The following NAV2 variants were observed in gnomAD, a reference collection of about 807,000 sequenced individuals.
NAV2 encodes helicase, APC down-regulated 1.
In NAV2, 54 loss-of-function variants were observed where a neutral mutation model predicts 223.2. The ratio of observed to expected loss-of-function variants is 0.24; its 90% CI spans 0.19 to 0.30. The LOEUF (loss-of-function observed/expected upper bound fraction) is 0.30. NAV2 is among the 10% of genes least tolerant of loss of function. The pLI is 1.00. For synonymous variants in NAV2, 1,279 were observed against 1,239.3 expected (o/e 1.03, Z -0.67); for missense variants, 2,806 against 3,147.5 (o/e 0.89, Z 2.60).
At chr11:19,600,930 A>T (rs2046334106) in intron 1 of NAV2, among the ~76,000 whole-genome samples, 1 of 152,178 alleles carries the variant, frequency 6.6e-6, no homozygotes, top group African/African-American at 2.4e-5. Flanking sequence ...ATACCATGTG[A>T]CTTTGTAATC....
chr11:19,758,898 AGGAGGTC>A (rs1223909491), intron 1 of NAV2, among the ~76,000 whole-genome samples: 8 of 152,136 alleles, frequency 5.3e-5, no homozygotes, highest in Admixed American at 4.6e-4. Flanking sequence ...CACAACCCCC[AGGAGGTC>A]ATTGATCTTA....
At position 20,045,195 on chromosome 11, in the gene NAV2, A is replaced by G. The variant is rs1317271505; in HGVS notation, c.3427A>G (p.Thr1143Ala). 1.9e-6 allele frequency: 3 copies of G among 1,614,152 alleles called. No homozygotes were observed. The highest frequency in any genetic ancestry group is 2.2e-5 in the South Asian group (2 of 91,074). ...AMITASGVTV[T>A]SRSATLGKIP... ...GATCACAGCCAGCGGGGTGACTGTCACCAGCAGGTCAGCCACACTGGGCAA... is the reference window on the plus strand; with the variant it reads ...GATCACAGCCAGCGGGGTGACTGTCGCCAGCAGGTCAGCCACACTGGGCAA... The change falls in exon 14 of 38, where the codon ACC (threonine) becomes GCC (alanine). Residue 1143 changes from threonine (T) to alanine (A), a missense_variant. Thr to Ala is a moderately conservative substitution (Grantham distance 58). Coordinates refer to ENST00000349880, the MANE Select transcript of NAV2 (RefSeq NM_145117.5).
chr11:19,942,750 AAGGT>A (rs1362046223), intron 8 of NAV2, among the ~76,000 whole-genome samples: 1 of 152,204 alleles, frequency 6.6e-6, no homozygotes, highest in East Asian at 1.9e-4. Flanking sequence ...TTGGGAGGCC[AAGGT>A]GAGAGGATCG....
At chr11:19,483,490 A>G (rs576306185) in intron 1 of NAV2, among the ~76,000 whole-genome samples, 45 of 152,328 alleles carry the variant, frequency 3.0e-4, no homozygotes, top group African/African-American at 1.0e-3. Context: ...CGTTGTGCCA[A>G]AGAGAAGGCT....
intron 10 of NAV2, among the ~76,000 whole-genome samples, chr11:19,959,925 G>A (rs191807298): frequency 4.9e-4 from 75 of 152,280 alleles, no homozygotes; most frequent in Non-Finnish European, 1.0e-3. Flanking sequence ...CTGCCCTTCC[G>A]GGGCTCTTCA....
intron 1 of NAV2, among the ~76,000 whole-genome samples, chr11:19,757,402 G>A (rs7928217): frequency 0.25 from 38,561 of 151,970 alleles, 5,379 homozygotes; most frequent in Middle Eastern, 0.37. Context: ...TCAGATTCTG[G>A]GGCTGCAGGT....
At chr11:19,476,866 G>A (rs1249714643) in intron 1 of NAV2, among the ~76,000 whole-genome samples, 4 of 152,104 alleles carry the variant, frequency 2.6e-5, no homozygotes, top group African/African-American at 9.7e-5. Context: ...CTTAGCCCTG[G>A]GTCAGGGCAT....
rs188922442 is a variant in NAV2, at chr11:20,006,210, T to C, written c.2768+21963T>C. Among the ~76,000 whole-genome samples, 275 of 152,242 alleles carry C rather than the reference T, an allele frequency of 1.8e-3. 1 individual carries two copies. The highest frequency in any genetic ancestry group is 6.8e-3 in the Middle Eastern group (2 of 294). On this transcript the variant is annotated intron_variant, in intron 11 of 37. Coordinates refer to ENST00000349880, the MANE Select transcript of NAV2 (RefSeq NM_145117.5). The stretch of plus-strand genomic sequence containing the variant: ...ATGATTCAGGGTGTCCAGGTTCCCA[T>C]AGGGATCATTAGGGTTTGATTATAG...
At chr11:19,834,549 G>A (rs2060132700) in intron 2 of NAV2, among the ~76,000 whole-genome samples, 1 of 118,624 alleles carries the variant, frequency 8.4e-6, no homozygotes, top group South Asian at 2.3e-4. Flanking sequence ...TCAGAAGAAG[G>A]GGTACCTTTT....
intron 1 of NAV2, among the ~76,000 whole-genome samples, chr11:19,575,754 A>G (rs2045554340): frequency 6.6e-6 from 1 of 152,212 alleles, no homozygotes; most frequent in Non-Finnish European, 1.5e-5. Flanking sequence ...ATGGCCAGGG[A>G]TCCATGTCGT....
At chr11:20,083,481 C>T (rs934522191) in intron 26 of NAV2, among the ~76,000 whole-genome samples, 7 of 152,244 alleles carry the variant, frequency 4.6e-5, no homozygotes, top group Middle Eastern at 3.4e-3. Flanking sequence ...TTTTTGTGTA[C>T]GTATCCTAGC....
chr11:19,415,121 C>T (rs1163224299), intron 1 of NAV2, among the ~76,000 whole-genome samples: 1 of 151,968 alleles, frequency 6.6e-6, no homozygotes, highest in South Asian at 2.1e-4. Flanking sequence ...GAGATAGAGA[C>T]ACGAAAAACC....
chr11:19,414,272 A>C (rs985774100), intron 1 of NAV2, among the ~76,000 whole-genome samples: 6 of 152,192 alleles, frequency 3.9e-5, no homozygotes, highest in African/African-American at 1.2e-4. Flanking sequence ...AACCAACCAA[A>C]CAAACAAAAC....
chr11:19,424,493 T>TA (rs1850744797), intron 1 of NAV2, among the ~76,000 whole-genome samples: 1 of 152,162 alleles, frequency 6.6e-6, no homozygotes, highest in African/African-American at 2.4e-5. Flanking sequence ...GCGGTCAAAT[T>TA]AGGGATCTAT....
At chr11:19,612,088 G>A (rs1226254832) in intron 1 of NAV2, among the ~76,000 whole-genome samples, 1 of 152,198 alleles carries the variant, frequency 6.6e-6, no homozygotes, top group African/African-American at 2.4e-5. Context: ...AGCTGCCAAG[G>A]CTTGGAGCTT....
chr11:19,849,378 A>C (rs910866863), intron 3 of NAV2, among the ~76,000 whole-genome samples: 2 of 152,222 alleles, frequency 1.3e-5, no homozygotes, highest in South Asian at 4.1e-4. Flanking sequence ...AAGGGAGGAG[A>C]TGGAACATTT....
At chr11:19,791,405 A>C (rs1289357704) in intron 1 of NAV2, among the ~76,000 whole-genome samples, 1 of 152,152 alleles carries the variant, frequency 6.6e-6, no homozygotes, top group Non-Finnish European at 1.5e-5. Context: ...AAGCCCGCCA[A>C]GTTCCTTTCC....
chr11:20,110,970 C>T (rs952549594), intron 36 of NAV2, among the ~76,000 whole-genome samples: 6 of 152,100 alleles, frequency 3.9e-5, no homozygotes, highest in Non-Finnish European at 7.4e-5. Flanking sequence ...TTGGTGGGAA[C>T]GTAAGGAGAC....
chr11:19,723,645 G>A (rs916526714), intron 1 of NAV2, among the ~76,000 whole-genome samples: 5 of 152,190 alleles, frequency 3.3e-5, no homozygotes, highest in African/African-American at 1.2e-4. Context: ...TTTATAGGAT[G>A]AGGAGCCCTA....
Sources: allele counts gnomAD v4.1 joint callset (sites outside exome capture counted in the v4.1 genomes callset), GRCh38; gene constraint gnomAD v4.1.1; transcripts MANE v1.5; gene names NCBI Gene and HGNC (gene_info 2026-07-23, HGNC 2026-07-21).